ATP2B2: variants seen among roughly 807,000 people sequenced by gnomAD.
ATP2B2 encodes the protein ATPase plasma membrane Ca2+ transporting 2.
Under a neutral mutation model 120.0 loss-of-function variants are expected in ATP2B2, and 15 were observed. That is an observed-to-expected ratio of 0.12 (90% confidence interval 0.08 to 0.19). The LOEUF (loss-of-function observed/expected upper bound fraction) is 0.19, where lower values mean the gene tolerates loss of function less well. ATP2B2 is among the 10% of genes least tolerant of loss of function. The probability of loss-of-function intolerance (pLI) is 1.00; values close to 1 mark genes in which losing one functional copy is unlikely to be tolerated. For missense variants in ATP2B2, 1,045 were observed against 1,719.8 expected (o/e 0.61, Z 6.94); for synonymous variants, 694 against 700.3 (o/e 0.99, Z 0.14).
At chr3:10,669,307 T>C (rs2071031533) in intron 1 of ATP2B2, among the ~76,000 whole-genome samples, 2 of 151,720 alleles carry the variant, frequency 1.3e-5, no homozygotes, top group Admixed American at 6.6e-5. Flanking sequence ...GACTGGGAGG[T>C]ACAGCCTCGG....
intron 1 of ATP2B2, among the ~76,000 whole-genome samples, chr3:10,467,240 A>G (rs1044571862): frequency 6.6e-6 from 1 of 152,096 alleles, no homozygotes; most frequent in African/African-American, 2.4e-5. Context: ...CTACATGGGG[A>G]AATTTTCTTG....
At chr3:10,701,559 A>T (rs1055372996) in intron 1 of ATP2B2, among the ~76,000 whole-genome samples, 4 of 151,620 alleles carry the variant, frequency 2.6e-5, no homozygotes, top group Admixed American at 1.3e-4. Context: ...TAAGAAACGC[A>T]TTCATCCAAT....
intron 1 of ATP2B2, among the ~76,000 whole-genome samples, chr3:10,623,608 C>A (rs889840359): frequency 6.6e-6 from 1 of 152,212 alleles, no homozygotes; most frequent in African/African-American, 2.4e-5. Flanking sequence ...GGACTAATCT[C>A]CTTGGGCGGA....
chr3:10,395,004 C>T (rs560447067), intron 5 of ATP2B2, among the ~76,000 whole-genome samples: 20 of 152,310 alleles, frequency 1.3e-4, no homozygotes, highest in African/African-American at 1.9e-4. Flanking sequence ...GTCTGGCTTC[C>T]GCCCTGCCCC....
rs697973 is a variant in ATP2B2, at chr3:10,347,218, G to A, written c.2405-1081C>T. Among the ~76,000 whole-genome samples, 23,022 of 152,046 alleles carry A rather than the reference G, an allele frequency of 0.15. 1,982 individuals are homozygous for A. The highest frequency in any genetic ancestry group is 0.4 in the East Asian group (2,051 of 5,164). ...CTGGCCACCCCCAATCTGTGCTTAC[G>A]GTCCCACAGAGCTAGCTCTCACTGG... On this transcript the variant is annotated intron_variant, in intron 16 of 22. Coordinates refer to ENST00000360273, the MANE Select transcript of ATP2B2 (RefSeq NM_001001331.4). This position sits in a 1 kb window ranked among gnomAD's most constrained non-coding sequence, Gnocchi z 5.2.
intron 2 of ATP2B2, among the ~76,000 whole-genome samples, chr3:10,588,464 G>C (rs2068566969): frequency 6.6e-6 from 1 of 152,122 alleles, no homozygotes; most frequent in South Asian, 2.1e-4. Context: ...TGGCAACCTG[G>C]TCCACAATTC....
At chr3:10,411,888 A>C (rs947581159) in intron 2 of ATP2B2, among the ~76,000 whole-genome samples, 1 of 152,168 alleles carries the variant, frequency 6.6e-6, no homozygotes, top group African/African-American at 2.4e-5. Context: ...TGGGGACCGG[A>C]CAGAGTGGTA....
At chr3:10,695,247 G>GGAGGGAGA (rs1421387424) in intron 1 of ATP2B2, among the ~76,000 whole-genome samples, 1 of 93,144 alleles carries the variant, frequency 1.1e-5, no homozygotes, top group Non-Finnish European at 1.9e-5. Context: ...AAGGAGGGAG[G>GGAGGGAGA]GAGGGAGAGA....
intron 1 of ATP2B2, among the ~76,000 whole-genome samples, chr3:10,691,915 T>C (rs1235238573): frequency 3.3e-5 from 5 of 152,188 alleles, no homozygotes; most frequent in Non-Finnish European, 2.9e-5. Flanking sequence ...TTCCCACATA[T>C]CTTGCTTCGT....
At chr3:10,526,931 G>A (rs2067108374) in intron 3 of ATP2B2, among the ~76,000 whole-genome samples, 1 of 152,206 alleles carries the variant, frequency 6.6e-6, no homozygotes. Context: ...AGCCCGTTAT[G>A]TGTACAGCGT....
intron 1 of ATP2B2, among the ~76,000 whole-genome samples, chr3:10,685,483 T>C (rs1455705257): frequency 6.6e-6 from 1 of 151,826 alleles, no homozygotes; most frequent in Non-Finnish European, 1.5e-5. Context: ...TGGCTAAAGG[T>C]CTCCTCACTT....
chr3:10,520,717 A>C (rs1247713940), intron 3 of ATP2B2, among the ~76,000 whole-genome samples: 1 of 151,042 alleles, frequency 6.6e-6, no homozygotes, highest in Non-Finnish European at 1.5e-5. Context: ...GGGCCTCCCA[A>C]AGTGCTAGGA....
chr3:10,474,183 G>A (rs1327246732), intron 1 of ATP2B2, among the ~76,000 whole-genome samples: 1 of 152,146 alleles, frequency 6.6e-6, no homozygotes, highest in Non-Finnish European at 1.5e-5. Context: ...GGAAGAGGGC[G>A]AGTGGATGGT....
upstream of ATP2B2, among the ~76,000 whole-genome samples, chr3:10,505,997 C>A (rs2066613834): frequency 6.6e-6 from 1 of 151,452 alleles, no homozygotes; most frequent in East Asian, 2.0e-4. Flanking sequence ...GTGGGGAGAA[C>A]GGGAGCAGAG....
intron 2 of ATP2B2, among the ~76,000 whole-genome samples, chr3:10,566,924 A>G (rs1348307677): frequency 2.0e-5 from 3 of 152,238 alleles, no homozygotes; most frequent in Non-Finnish European, 4.4e-5. Context: ...TCAGATACGT[A>G]CAAACAGGAT....
At chr3:10,353,147 C>A (rs762732362) in intron 14 of ATP2B2, among the ~76,000 whole-genome samples, 23 of 152,314 alleles carry the variant, frequency 1.5e-4, no homozygotes, top group Admixed American at 2.6e-4. Context: ...CAGACCTGTA[C>A]TCTGTTTGGA....
intron 1 of ATP2B2, among the ~76,000 whole-genome samples, chr3:10,502,788 A>G (rs2125410493): frequency 6.6e-6 from 1 of 152,266 alleles, no homozygotes. Context: ...ACAAAATTCT[A>G]AGTTCTTGAG....
At chr3:10,475,932 G>T (rs1481751138) in intron 1 of ATP2B2, among the ~76,000 whole-genome samples, 1 of 152,172 alleles carries the variant, frequency 6.6e-6, no homozygotes, top group Non-Finnish European at 1.5e-5. Flanking sequence ...GGGGGTCAGG[G>T]TCTTCGACCA....
Position 10,350,409 on chromosome 3 carries a change from C to T in ATP2B2, c.2305G>A (p.Glu769Lys), listed in dbSNP as rs964598436. 8.7e-6 allele frequency: 14 copies of T among 1,614,114 alleles called. No homozygotes were observed. The highest frequency in any genetic ancestry group is 1.6e-4 in the Middle Eastern group (1 of 6,084). The change falls in exon 15 of 23, where the codon GAG becomes AAG. Residue 769 changes from glutamate (E) to lysine (K), a missense_variant. Around this residue, in one of 11 missense-constraint regions of ATP2B2, gnomAD observed 343 missense variants for 536.8 expected, o/e 0.64. Transcript: ENST00000360273. ...GKEFNRRIRN[E>K]KGEIEQERID... ...GTTGGGACACGCACCTCCCCCTTCT[C>T]GTTGCGGATCCTCCTGTTGAACTCC...
Sources: gnomAD v4.1 joint callset for allele counts (sites outside exome capture counted in the v4.1 genomes callset) on GRCh38, gnomAD v4.1.1 for gene constraint, gnomAD v4.1.1 regional missense constraint, Gnocchi (gnomAD v3.1) non-coding constraint, MANE v1.5 for transcripts, NCBI Gene and HGNC (gene_info 2026-07-23, HGNC 2026-07-21) for gene names.